Variants in ITGB8 observed in about 807,000 individuals in gnomAD.
ITGB8 encodes integrin beta-8.
In ITGB8, 30 loss-of-function variants were observed where a neutral mutation model predicts 89.5. The observed-to-expected ratio is 0.34, with a 90% CI of 0.25 to 0.45. The LOEUF is 0.45. Ranked by LOEUF, ITGB8 falls within the 20% of genes least tolerant of loss-of-function variation. ITGB8 has a pLI of 1.00. For missense variants in ITGB8, 836 were observed against 933.3 expected (o/e 0.90, Z 1.36); for synonymous variants, 335 against 320.4 (o/e 1.05, Z -0.49).
At chr7:20,339,977 G>A (rs1397969795) in intron 1 of ITGB8, among the ~76,000 whole-genome samples, 2 of 152,212 alleles carry the variant, frequency 1.3e-5, no homozygotes, top group African/African-American at 2.4e-5. Context: ...GCAGTGAGCC[G>A]AGATTGTGCC....
chr7:20,345,724 G>T (rs188825874), intron 1 of ITGB8, among the ~76,000 whole-genome samples: 1 of 152,152 alleles, frequency 6.6e-6, no homozygotes, highest in Non-Finnish European at 1.5e-5. Flanking sequence ...GACAAGAGGT[G>T]GTGGTCAGAC....
chr7:20,387,608 G>A (rs1449304274), intron 6 of ITGB8, among the ~76,000 whole-genome samples: 1 of 152,180 alleles, frequency 6.6e-6, no homozygotes, highest in East Asian at 1.9e-4. Context: ...ATCAAGTTAT[G>A]ACATTTTGAC....
intron 1 of ITGB8, chr7:20,352,587 T>C (rs1785148385): frequency 6.6e-6 from 1 of 152,234 alleles, no homozygotes; most frequent in African/African-American, 2.4e-5. Flanking sequence ...AGCTATTAAC[T>C]GGATTTCTGC....
At chr7:20,366,800 G>A in intron 2 of ITGB8, 2 of 457,706 alleles carry the variant, frequency 4.4e-6, no homozygotes, top group South Asian at 3.1e-5. Context: ...AGAAACTTCA[G>A]TCTGAGCTTT....
intron 2 of ITGB8, chr7:20,365,818 T>G (rs1322251349): frequency 6.6e-6 from 1 of 151,982 alleles, no homozygotes; most frequent in Non-Finnish European, 1.5e-5. Context: ...CCTCACCCTT[T>G]AGGTGCGGAT....
Position 20,394,418 on chromosome 7 carries a change from GT to G in ITGB8, c.1057-474del, listed in dbSNP as rs1423091416. On this transcript the variant is annotated intron_variant, in intron 7 of 13. Transcript: ENST00000222573. ...ACTATGATTTTTCCTAACTAAAGAA[GT>G]TTTGGGAAATGCTGCATTAAATAAT... Among the ~76,000 whole-genome samples the G allele has an allele frequency of 1.6e-4, 25 of 152,206 alleles. 1 individual carries two copies. Among genetic ancestry groups the G allele is most frequent in the Non-Finnish European group, 4.4e-5 (3 of 68,038 alleles).
rs754384527 is a variant in ITGB8 at position 20,394,998 on chromosome 7, T to C, written c.1146+13T>C. ...GGAAGCCTATCAGGTATGTATATAT[T>C]AGATACAATTTTTTAAATAAAATTT... On this transcript the variant is annotated intron_variant, in intron 8 of 13. Coordinates refer to ENST00000222573, the MANE Select transcript of ITGB8 (RefSeq NM_002214.3). The C allele has an allele frequency of 6.7e-7, 1 of 1,497,360 alleles. No individual in the cohort carries two copies. Among genetic ancestry groups the C allele is most frequent in the South Asian group, 1.1e-5 (1 of 87,012 alleles). The allele number at this position is 1,497,360 out of a possible 1,614,324, so 92.8% of individuals were successfully genotyped here.
intron 1 of ITGB8, among the ~76,000 whole-genome samples, chr7:20,334,601 G>A (rs758869104): frequency 6.6e-6 from 1 of 152,014 alleles, no homozygotes; most frequent in Non-Finnish European, 1.5e-5. Context: ...CCCTCAAAGC[G>A]TTGCATAGCA....
At chr7:20,391,237 A>G (rs905758636) in intron 6 of ITGB8, among the ~76,000 whole-genome samples, 166 bp from the exon 7 acceptor site, 5 of 151,986 alleles carry the variant, frequency 3.3e-5, no homozygotes, top group African/African-American at 1.2e-4. Context: ...ATTTTAATAC[A>G]TGGATATTGA....
chr7:20,399,091 T>TGGAAAA, intron 9 of ITGB8, 97 bp downstream of exon 9: 1 of 1,225,864 alleles, frequency 8.2e-7, no homozygotes, highest in Non-Finnish European at 1.1e-6. Flanking sequence ...TTTTACTTAC[T>TGGAAAA]ACTGACTCTA....
At chr7:20,339,250 T>C (rs767320721) in intron 1 of ITGB8, among the ~76,000 whole-genome samples, 1 of 152,000 alleles carries the variant, frequency 6.6e-6, no homozygotes, top group Non-Finnish European at 1.5e-5. Flanking sequence ...ATGACCTAAT[T>C]TGGTCAAATT....
chr7:20,368,964 A>G (rs1412372688), intron 3 of ITGB8, among the ~76,000 whole-genome samples: 1 of 152,162 alleles, frequency 6.6e-6, no homozygotes, highest in Non-Finnish European at 1.5e-5. Context: ...ATTCTTCAGG[A>G]TCTTAATCCA....
intron 1 of ITGB8, among the ~76,000 whole-genome samples, chr7:20,350,613 C>G (rs182087214): frequency 6.6e-6 from 1 of 152,330 alleles, no homozygotes; most frequent in Admixed American, 6.5e-5. Context: ...AGTGGAGGAA[C>G]ACAGCACACA....
chr7:20,400,235 C>T (rs1787252773), intron 9 of ITGB8, among the ~76,000 whole-genome samples: 1 of 152,092 alleles, frequency 6.6e-6, no homozygotes, highest in Admixed American at 6.5e-5. Flanking sequence ...CATTTGCTTA[C>T]ATGCCATCTT....
chr7:20,380,902 C>T, intron 5 of ITGB8, 71 bp downstream of exon 5: 1 of 1,339,964 alleles, frequency 7.5e-7, no homozygotes, highest in Non-Finnish European at 1.0e-6. Context: ...GTTTTATTTT[C>T]TCTTTGATTT....
At chr7:20,370,286 C>T (rs1480358496) in intron 3 of ITGB8, among the ~76,000 whole-genome samples, 2 of 151,378 alleles carry the variant, frequency 1.3e-5, no homozygotes, top group East Asian at 3.9e-4. Context: ...AGAAAGAAGC[C>T]TTTAAGAAAT....
intron 12 of ITGB8, among the ~76,000 whole-genome samples, chr7:20,408,185 G>C (rs1787621495): frequency 6.6e-6 from 1 of 152,102 alleles, no homozygotes; most frequent in Admixed American, 6.5e-5. Context: ...CAGTCTGTCA[G>C]AACAAAAGGC....
chr7:20,409,686 C>T lies in ITGB8; in HGVS notation c.2095C>T (p.Leu699Phe). The T allele has an allele frequency of 6.2e-7, 1 of 1,610,280 alleles. No homozygotes were observed. Among genetic ancestry groups the T allele is most frequent in the South Asian group, 1.1e-5 (1 of 90,804 alleles). ...CATAGTTACATTCTTGATTGGGTTG[C>T]TTAAAGTCCTGATCATTAGACAGGT... is the stretch of plus-strand genomic sequence containing the variant. Reference protein sequence around the residue: ...IFIVTFLIGLLKVLIIRQVIL... With the variant: ...IFIVTFLIGLFKVLIIRQVIL... The change falls in exon 13 of 14, where the codon CTT becomes TTT. Residue 699 changes from leucine to phenylalanine, a missense_variant. By Grantham distance (22) the Leu-to-Phe change is conservative. Coordinates refer to ENST00000222573, the MANE Select transcript of ITGB8 (RefSeq NM_002214.3).
chr7:20,403,775 GGA>G (rs1787414301), intron 10 of ITGB8, among the ~76,000 whole-genome samples: 1 of 68,296 alleles, frequency 1.5e-5, no homozygotes, highest in Non-Finnish European at 2.7e-5. Flanking sequence ...AGGGAAGGAA[GGA>G]GGAAGGAAGG....
Sources: gnomAD v4.1 joint callset for allele counts (sites outside exome capture counted in the v4.1 genomes callset) on GRCh38, gnomAD v4.1.1 for gene constraint, MANE v1.5 for transcripts, NCBI Gene and HGNC (gene_info 2026-07-23, HGNC 2026-07-21) for gene names.